DGKI: variants seen among roughly 807,000 people sequenced by gnomAD.
DGKI encodes the protein DAG kinase iota.
A neutral mutation model predicts 147.5 loss-of-function variants in DGKI; 55 were observed. That is an observed-to-expected ratio of 0.37 (90% CI 0.30 to 0.47). The LOEUF (loss-of-function observed/expected upper bound fraction) is 0.47, where lower values mean the gene tolerates loss of function less well. Ranked by LOEUF, DGKI falls within the 20% of genes least tolerant of loss-of-function variation. DGKI has a pLI of 1.00. For synonymous variants in DGKI, 469 were observed against 477.1 expected, an observed-to-expected ratio of 0.98 and a Z score of 0.22; for missense variants, 1,007 against 1,323.8, an observed-to-expected ratio of 0.76 and a Z score of 3.71.
chr7:137,790,923 TTC>T (rs1164097903), intron 1 of DGKI, among the ~76,000 whole-genome samples: 2 of 152,228 alleles, frequency 1.3e-5, no homozygotes, highest in African/African-American at 4.8e-5. Flanking sequence ...TGGCTTAATT[TTC>T]TCTGTTCTCT....
At chr7:137,689,287 C>G (rs940187030) in intron 2 of DGKI, among the ~76,000 whole-genome samples, 5 of 152,176 alleles carry the variant, frequency 3.3e-5, no homozygotes, top group Admixed American at 2.0e-4. Flanking sequence ...CGGCCAAGAA[C>G]TCGACTCACT....
intron 21 of DGKI, among the ~76,000 whole-genome samples, chr7:137,510,427 C>T (rs1585184230): frequency 6.6e-6 from 1 of 152,286 alleles, no homozygotes; most frequent in East Asian, 1.9e-4. Flanking sequence ...AATTCTTAGA[C>T]ACAGAAAGAA....
chr7:137,642,111 G>A (rs955495756), intron 6 of DGKI, among the ~76,000 whole-genome samples: 2 of 152,110 alleles, frequency 1.3e-5, no homozygotes, highest in East Asian at 1.9e-4. Flanking sequence ...TAAACAATAT[G>A]TGCTAGATCA....
At chr7:137,396,613 G>A (rs1394750527) in intron 31 of DGKI, among the ~76,000 whole-genome samples, 3 of 152,108 alleles carry the variant, frequency 2.0e-5, no homozygotes. Flanking sequence ...CAGCTCTACT[G>A]CTTCTCTTCG....
At chr7:137,753,368 C>T (rs577427436) in intron 1 of DGKI, among the ~76,000 whole-genome samples, 4 of 152,286 alleles carry the variant, frequency 2.6e-5, no homozygotes, top group African/African-American at 9.6e-5. Context: ...GCCGGGATCC[C>T]TGGGAGAGTC....
chr7:137,512,713 C>A (rs1381334727), intron 21 of DGKI, among the ~76,000 whole-genome samples: 2 of 152,210 alleles, frequency 1.3e-5, no homozygotes, highest in East Asian at 3.8e-4. Context: ...ATATCATCAT[C>A]ATTTTAGGCC....
chr7:137,630,263 TTA>T (rs1484108380), intron 6 of DGKI, among the ~76,000 whole-genome samples: 9 of 152,166 alleles, frequency 5.9e-5, no homozygotes, highest in African/African-American at 2.2e-4. Flanking sequence ...AATCAAGGAT[TTA>T]TGTCCATAGA....
rs75501455 is a variant in DGKI at position 137,441,749 on chromosome 7, G to A, written c.2761+2328C>T. Among the ~76,000 whole-genome samples, 884 of 152,268 alleles carry A rather than the reference G, an allele frequency of 5.8e-3. 9 individuals carry two copies. The highest frequency in any genetic ancestry group is 0.019 in the African/African-American group (785 of 41,560). On this transcript the variant is annotated intron_variant, in intron 28 of 32. Transcript: ENST00000614521. ...CAAACAAAATAGAAAATCAAGAGAC[G>A]TAAGGTTTTATATTCCAATTTCACA...
chr7:137,725,067 G>A (rs955592122), intron 1 of DGKI, among the ~76,000 whole-genome samples: 2 of 152,130 alleles, frequency 1.3e-5, no homozygotes, highest in Non-Finnish European at 2.9e-5. Flanking sequence ...ATGAGGTGGG[G>A]AGGGCGAGAA....
At chr7:137,529,225 C>A (rs1388364913) in intron 20 of DGKI, among the ~76,000 whole-genome samples, 1 of 152,006 alleles carries the variant, frequency 6.6e-6, no homozygotes, top group Non-Finnish European at 1.5e-5. Context: ...TTAATGGGTA[C>A]AACATATGCT....
chr7:137,408,319 G>T (rs2278102), intron 29 of DGKI, among the ~76,000 whole-genome samples: 64,705 of 151,958 alleles, frequency 0.43, 14,033 homozygotes, highest in African/African-American at 0.52. Context: ...GGGGTGGAGT[G>T]GAGAACAAAA....
chr7:137,536,956 A>G (rs560163906), intron 20 of DGKI, among the ~76,000 whole-genome samples: 2 of 152,194 alleles, frequency 1.3e-5, no homozygotes, highest in Non-Finnish European at 2.9e-5. Context: ...CTGGGCTCTC[A>G]TGGAAACTGA....
chr7:137,821,756 G>A (rs1797908875), intron 1 of DGKI, among the ~76,000 whole-genome samples: 2 of 152,170 alleles, frequency 1.3e-5, no homozygotes, highest in South Asian at 4.1e-4. Context: ...TGCAGGCAGA[G>A]TAGACAAATC....
Position 137,749,665 on chromosome 7 carries a change from T to C in DGKI, c.402-59663A>G, listed in dbSNP as rs551740539. On this transcript the variant is annotated intron_variant, in intron 1 of 32. Transcript: ENST00000614521. ...GGACTGAGTGCTTGAGCTTAAAGGG[T>C]TGTTGAAGTTTACTCCAAATTTATC... 5.9e-5 allele frequency among the ~76,000 whole-genome samples: 9 copies of C among 152,162 alleles called. No homozygotes were observed. The South Asian group carries it at 1.9e-3, about 32-fold the overall frequency.
chr7:137,754,203 C>T (rs1795610087), intron 1 of DGKI, among the ~76,000 whole-genome samples: 1 of 152,116 alleles, frequency 6.6e-6, no homozygotes, highest in Non-Finnish European at 1.5e-5. Flanking sequence ...TGTTTTCATC[C>T]CCCGGTGGCT....
intron 20 of DGKI, among the ~76,000 whole-genome samples, chr7:137,523,225 G>A (rs6964439): frequency 0.092 from 13,976 of 151,760 alleles, 1,384 homozygotes; most frequent in African/African-American, 0.24. Flanking sequence ...CACACACAGA[G>A]ACACAGACAC....
chr7:137,596,000 T>TAAAAA (rs1819778409), intron 12 of DGKI, among the ~76,000 whole-genome samples: 1 of 13,102 alleles, frequency 7.6e-5, no homozygotes, highest in African/African-American at 2.9e-4. Flanking sequence ...AGACTCCGTC[T>TAAAAA]CAAAAAAAAA....
intron 30 of DGKI, among the ~76,000 whole-genome samples, chr7:137,406,495 C>T (rs900518116): frequency 6.6e-6 from 1 of 152,112 alleles, no homozygotes; most frequent in African/African-American, 2.4e-5. Flanking sequence ...CATGGTCTTT[C>T]CTTTTTCTAA....
At chr7:137,589,858 T>C (rs556703798) in intron 12 of DGKI, among the ~76,000 whole-genome samples, 1 of 152,284 alleles carries the variant, frequency 6.6e-6, no homozygotes, top group Non-Finnish European at 1.5e-5. Context: ...AACCTCTCCT[T>C]TATGATTTGT....
Sources: allele counts gnomAD v4.1 joint callset (sites outside exome capture counted in the v4.1 genomes callset), GRCh38; gene constraint gnomAD v4.1.1; transcripts MANE v1.5; gene names NCBI Gene and HGNC (gene_info 2026-07-23, HGNC 2026-07-21).